Variants in ERICH6B observed in about 807,000 individuals in gnomAD.
ERICH6B encodes glutamate rich 6B, also known as glutamate-rich protein 6B.
ERICH6B carries 69 observed loss-of-function variants against 80.0 expected under a neutral mutation model. That is an observed-to-expected ratio of 0.86 (90% CI 0.71 to 1.05). ERICH6B has a LOEUF of 1.05. Ranked by LOEUF, ERICH6B falls within the 50% of genes least tolerant of loss-of-function variation. ERICH6B has a pLI of 0.00. For missense variants in ERICH6B, 754 were observed against 796.1 expected, an observed-to-expected ratio of 0.95 and a Z score of 0.64; for synonymous variants, 283 against 291.9, an observed-to-expected ratio of 0.97 and a Z score of 0.31.
At chr13:45,599,929 C>T (rs542041901) in intron 2 of ERICH6B, among the ~76,000 whole-genome samples, 2 of 152,284 alleles carry the variant, frequency 1.3e-5, no homozygotes, top group South Asian at 2.1e-4. Flanking sequence ...TTGGCTTGCC[C>T]TTTTATCCTT....
chr13:45,565,381 C>T (rs555664655), intron 9 of ERICH6B, among the ~76,000 whole-genome samples: 4 of 152,202 alleles, frequency 2.6e-5, no homozygotes, highest in African/African-American at 9.7e-5. Context: ...AAACTCATAC[C>T]TGGCTCTCCA....
chr13:45,556,996 T>C (rs970827827), intron 11 of ERICH6B, among the ~76,000 whole-genome samples: 5 of 152,216 alleles, frequency 3.3e-5, no homozygotes, highest in African/African-American at 7.2e-5. Context: ...TACTTTTAGT[T>C]CTTTAAGGAA....
intron 3 of ERICH6B, among the ~76,000 whole-genome samples, chr13:45,594,028 A>T (rs1004301627): frequency 1.3e-5 from 2 of 152,256 alleles, no homozygotes; most frequent in Admixed American, 1.3e-4. Flanking sequence ...TGTACTGAGC[A>T]TCTGCTATAG....
intron 10 of ERICH6B, among the ~76,000 whole-genome samples, chr13:45,563,218 C>T (rs1217715113): frequency 6.6e-6 from 1 of 152,130 alleles, no homozygotes; most frequent in Non-Finnish European, 1.5e-5. Flanking sequence ...TGGAGTACCC[C>T]ACTCCCCCAA....
At chr13:45,571,014 C>G (rs1026499388) in intron 8 of ERICH6B, among the ~76,000 whole-genome samples, 2 of 152,234 alleles carry the variant, frequency 1.3e-5, no homozygotes, top group African/African-American at 4.8e-5. Flanking sequence ...TCCTCCTGCT[C>G]TGTCCCTACT....
At chr13:45,564,738 TG>T (rs887414103) in intron 9 of ERICH6B, among the ~76,000 whole-genome samples, 5 of 152,226 alleles carry the variant, frequency 3.3e-5, no homozygotes, top group Non-Finnish European at 7.3e-5. Flanking sequence ...CCTAGCCTAT[TG>T]GCACCTGTGA....
chr13:45,546,416 C>T (rs1379899746), intron 13 of ERICH6B, among the ~76,000 whole-genome samples: 2 of 152,178 alleles, frequency 1.3e-5, no homozygotes, highest in Non-Finnish European at 2.9e-5. Context: ...TGCCAGGTCT[C>T]GTCTGAGCTG....
At chr13:45,594,874 G>A (rs960444534) in intron 3 of ERICH6B, among the ~76,000 whole-genome samples, 19 of 152,310 alleles carry the variant, frequency 1.2e-4, no homozygotes, top group African/African-American at 4.3e-4. Flanking sequence ...TTACATTTCT[G>A]TACCTAGTTG....
chr13:45,545,247 C>T (rs563444891), intron 13 of ERICH6B, among the ~76,000 whole-genome samples: 2 of 152,266 alleles, frequency 1.3e-5, no homozygotes, highest in South Asian at 4.1e-4. Flanking sequence ...CACAGCTTTG[C>T]CATGCTCTGC....
intron 5 of ERICH6B, among the ~76,000 whole-genome samples, chr13:45,584,822 G>T (rs1390990243): frequency 6.6e-6 from 1 of 152,144 alleles, no homozygotes; most frequent in Non-Finnish European, 1.5e-5. Flanking sequence ...CTTCTTCCCT[G>T]GGCTGAAAGC....
chr13:45,590,795 T>C, intron 3 of ERICH6B, 98 bp from the exon 4 acceptor site: 3 of 979,648 alleles, frequency 3.1e-6, no homozygotes, highest in Non-Finnish European at 4.4e-6. Flanking sequence ...GCCCTAGTTA[T>C]AGAAATTTTC....
intron 14 of ERICH6B, among the ~76,000 whole-genome samples, chr13:45,542,021 G>A (rs986431109): frequency 1.1e-4 from 17 of 152,276 alleles, no homozygotes; most frequent in Admixed American, 4.6e-4. Flanking sequence ...ATGGGGTCCC[G>A]ACCATGGGGC....
At chr13:45,585,071 C>T (rs1418166798) in intron 5 of ERICH6B, among the ~76,000 whole-genome samples, 2 of 152,220 alleles carry the variant, frequency 1.3e-5, no homozygotes, top group Non-Finnish European at 2.9e-5. Context: ...AACATGGACA[C>T]TGCTCAGTGC....
At chr13:45,570,694 G>A (rs761397888) in intron 8 of ERICH6B, among the ~76,000 whole-genome samples, 61 of 151,920 alleles carry the variant, frequency 4.0e-4, no homozygotes, top group Non-Finnish European at 7.6e-4. Context: ...TTGCCCCATT[G>A]CAGCTGCAGG....
At position 45,596,759 on chromosome 13, in the gene ERICH6B, C is replaced by T. The variant is rs962629800; in HGVS notation, c.247G>A (p.Glu83Lys). ...YLGKEEYLKE[E>K]EYLGKEEHLE... is the part of the protein sequence containing the mutation. ...TGCTCTTCCTTCCCCAGATACTCTTCCTCCTTCAAGTATTCTTCTTTCCCC... is the reference window on the plus strand; with the variant it reads ...TGCTCTTCCTTCCCCAGATACTCTTTCTCCTTCAAGTATTCTTCTTTCCCC... Residue 83 changes from glutamate (E) to lysine (K), a missense_variant, in exon 3 of 15, where the codon GAA (glutamate) becomes AAA (lysine). Physicochemically the swap from Glu to Lys is moderately conservative, Grantham distance 56. Transcript: ENST00000298738. 2.1e-5 allele frequency: 32 copies of T among 1,551,568 alleles called. No homozygotes were observed. Among genetic ancestry groups the T allele is most frequent in the Non-Finnish European group, 2.5e-5 (29 of 1,146,980 alleles).
chr13:45,541,724 G>C (rs1052222576), intron 14 of ERICH6B, 44 bp from the exon 15 acceptor site: 94 of 1,527,834 alleles, frequency 6.2e-5, no homozygotes, highest in Non-Finnish European at 8.0e-5. Context: ...CATGCTGCCT[G>C]AGCACGGTGC....
rs945345684 is a variant in ERICH6B, at chr13:45,570,856, G to A, written c.1051-2405C>T. ...CAGCTGCAGGTGCCGTGTGGCATTC[G>A]CTCCATTGCAGCTGCAGGTTCCATA... On this transcript the variant is annotated intron_variant, in intron 8 of 14. Transcript: ENST00000298738. 8.2e-5 allele frequency among the ~76,000 whole-genome samples: 12 copies of A among 146,372 alleles called. No homozygotes were observed. The East Asian group carries it at 1.0e-3, about 12-fold the overall frequency.
intron 4 of ERICH6B, 78 bp from the exon 5 acceptor site, chr13:45,587,310 T>C (rs1875953858): frequency 7.5e-7 from 1 of 1,330,272 alleles, no homozygotes; most frequent in Non-Finnish European, 1.0e-6. Context: ...ATGTTAGGGG[T>C]TGAGGGGGTG....
At position 45,578,184 on chromosome 13, in the gene ERICH6B, T is replaced by A. The variant is rs778978272; in HGVS notation, c.961+1749A>T. On this transcript the variant is annotated intron_variant, in intron 7 of 14. Transcript: ENST00000298738. ...TTCTTCATCCTCCACCACCACCTGG[T>A]TAATATCTGATCACCTGACCCATCT... Among the ~76,000 whole-genome samples, 47 of 152,234 alleles carry A rather than the reference T, an allele frequency of 3.1e-4. 1 individual carries two copies. The highest frequency in any genetic ancestry group is 6.0e-4 in the Non-Finnish European group (41 of 68,044).
Sources: gnomAD v4.1 joint callset for allele counts (sites outside exome capture counted in the v4.1 genomes callset) on GRCh38, gnomAD v4.1.1 for gene constraint, MANE v1.5 for transcripts, NCBI Gene and HGNC (gene_info 2026-07-23, HGNC 2026-07-21) for gene names.